MCPH1: variants seen among roughly 807,000 people sequenced by gnomAD.
The protein encoded by MCPH1 is microcephalin.
Under a neutral mutation model 84.5 loss-of-function variants are expected in MCPH1, and 104 were observed. The ratio of observed to expected loss-of-function variants is 1.23; its 90% CI spans 1.05 to 1.45. The LOEUF (loss-of-function observed/expected upper bound fraction) is 1.45. MCPH1 is among the 40% of genes most tolerant of loss of function. MCPH1 has a pLI of 0.00. For synonymous variants in MCPH1, 514 were observed against 366.8 expected (o/e 1.40, Z -4.58); for missense variants, 1,498 against 1,005.7 (o/e 1.49, Z -6.62).
At chr8:6,436,669 TA>T (rs1802682295) in intron 5 of MCPH1, among the ~76,000 whole-genome samples, 1 of 150,950 alleles carries the variant, frequency 6.6e-6, no homozygotes, top group African/African-American at 2.4e-5. Context: ...ATAATATTTT[TA>T]TATATAAGAA....
At chr8:6,465,612 C>T (rs1002666144) in intron 9 of MCPH1, among the ~76,000 whole-genome samples, 1 of 151,828 alleles carries the variant, frequency 6.6e-6, no homozygotes, top group African/African-American at 2.4e-5. Context: ...TGGCTGGACG[C>T]ATCTTCTGGA....
At position 6,431,598 on chromosome 8, in the gene MCPH1, AT is replaced by A. The variant is rs1293244058; in HGVS notation, c.321+15del. 1 of 1,527,272 alleles carries A rather than the reference AT, an allele frequency of 6.5e-7. No homozygotes were observed. The highest frequency in any genetic ancestry group is 2.2e-5 in the East Asian group (1 of 44,462). The allele number at this position is 1,527,272 out of a possible 1,614,324, so 94.6% of individuals were successfully genotyped here. The stretch of plus-strand genomic sequence containing the variant: ...TAATTAAAAAAAAAGTAAGTACATG[AT>A]TTCAATGTAGATAATGGCAATTAGG... On this transcript the variant is annotated intron_variant, in intron 4 of 13. Transcript: ENST00000344683.
At chr8:6,424,425 AC>A (rs1176434700) in intron 3 of MCPH1, among the ~76,000 whole-genome samples, 1 of 152,140 alleles carries the variant, frequency 6.6e-6, no homozygotes, top group African/African-American at 2.4e-5. Flanking sequence ...TAACCACAAC[AC>A]AGGCCGACAT....
At chr8:6,630,747 C>T (rs1797095838) in intron 13 of MCPH1, among the ~76,000 whole-genome samples, 1 of 148,506 alleles carries the variant, frequency 6.7e-6, no homozygotes, top group Non-Finnish European at 1.5e-5. Context: ...TGCCATTGCA[C>T]TCCAGCCTGG....
chr8:6,499,665 C>G (rs961702356), intron 11 of MCPH1, 187 bp from the exon 12 acceptor site: 4 of 561,282 alleles, frequency 7.1e-6, no homozygotes, highest in African/African-American at 5.6e-5. Flanking sequence ...TCTCAATCAA[C>G]TTTTTATTAA....
At chr8:6,483,171 C>T (rs530179868) in intron 11 of MCPH1, among the ~76,000 whole-genome samples, 2 of 152,130 alleles carry the variant, frequency 1.3e-5, no homozygotes, top group East Asian at 1.9e-4. Context: ...GATTTTAAAG[C>T]TCAAAGAACT....
intron 12 of MCPH1, among the ~76,000 whole-genome samples, chr8:6,517,685 T>G (rs1014559496): frequency 6.6e-6 from 1 of 152,172 alleles, no homozygotes; most frequent in Non-Finnish European, 1.5e-5. Flanking sequence ...GCTGTCCCTG[T>G]GTTGTCACAA....
At chr8:6,446,311 A>C (rs1804359433) in intron 8 of MCPH1, 1 of 985,178 alleles carries the variant, frequency 1.0e-6, no homozygotes, top group Non-Finnish European at 1.2e-6. Flanking sequence ...TCTTTACCTA[A>C]AGATTAGGTT....
chr8:6,609,711 C>G (rs1051435587), intron 12 of MCPH1, among the ~76,000 whole-genome samples: 2 of 152,074 alleles, frequency 1.3e-5, no homozygotes, highest in Non-Finnish European at 2.9e-5. Flanking sequence ...GAGGATGTCC[C>G]GGGAGAGTGA....
chr8:6,438,148 T>A (rs1457815086), intron 5 of MCPH1, among the ~76,000 whole-genome samples: 1 of 152,252 alleles, frequency 6.6e-6, no homozygotes, highest in East Asian at 1.9e-4. Flanking sequence ...TGGCCTTCTT[T>A]GCTATGTCAG....
At chr8:6,588,866 G>A (rs1174595404) in intron 12 of MCPH1, among the ~76,000 whole-genome samples, 3 of 152,334 alleles carry the variant, frequency 2.0e-5, no homozygotes, top group South Asian at 4.1e-4. Context: ...TGGAGGCCCA[G>A]TTCTCACAGA....
intron 12 of MCPH1, chr8:6,519,957 G>C: frequency 1.2e-6 from 2 of 1,614,106 alleles, no homozygotes; most frequent in Non-Finnish European, 1.7e-6. Context: ...CTCTGAAGCT[G>C]ATTTGTTCTT....
intron 9 of MCPH1, among the ~76,000 whole-genome samples, chr8:6,467,977 T>C (rs1807196180): frequency 6.6e-6 from 1 of 152,108 alleles, no homozygotes; most frequent in African/African-American, 2.4e-5. Flanking sequence ...AGCCAGGAAA[T>C]CCATGAATTT....
At chr8:6,542,996 G>T (rs1006416733) in intron 12 of MCPH1, among the ~76,000 whole-genome samples, 3 of 152,172 alleles carry the variant, frequency 2.0e-5, no homozygotes, top group Non-Finnish European at 4.4e-5. Context: ...TTTTAAAAAG[G>T]GAGAGGAGCG....
At chr8:6,412,916 C>G (rs1000070871) in intron 2 of MCPH1, among the ~76,000 whole-genome samples, 2 of 152,096 alleles carry the variant, frequency 1.3e-5, no homozygotes, top group African/African-American at 4.8e-5. Context: ...GAAAGAGAAA[C>G]CAGCAACGCT....
chr8:6,594,594 C>T (rs538917968), intron 12 of MCPH1, among the ~76,000 whole-genome samples: 3 of 152,360 alleles, frequency 2.0e-5, no homozygotes, highest in African/African-American at 2.4e-5. Context: ...CTGCTCGCAT[C>T]AGGCCAGATT....
intron 12 of MCPH1, among the ~76,000 whole-genome samples, chr8:6,549,297 C>T (rs1373308306): frequency 6.6e-6 from 1 of 152,240 alleles, no homozygotes; most frequent in Non-Finnish European, 1.5e-5. Context: ...GAAACTTTAA[C>T]ATGCACAACA....
rs1481735802 is a variant in MCPH1, at chr8:6,419,173, ACACACACACACACACGC to A, written c.233+4291_233+4307del. ...CACAGACACACACACACACACACAC[ACACACACACACACACGC>A]ATTTTTACCCCAAATACTTATTTGA... On this transcript the variant is annotated intron_variant, in intron 3 of 13. Transcript: ENST00000344683. 3.4e-4 allele frequency among the ~76,000 whole-genome samples: 13 copies of A among 38,476 alleles called. No homozygotes were observed. In the East Asian group the frequency reaches 0.01, roughly 30 times the overall value. The allele number at this position is 38,476 out of a possible 152,430, so 25.2% of individuals were successfully genotyped here.
At chr8:6,406,796 C>G (rs1269968695) in intron 1 of MCPH1, 107 bp downstream of exon 1, 2 of 1,269,086 alleles carry the variant, frequency 1.6e-6, no homozygotes, top group Non-Finnish European at 2.3e-6. Flanking sequence ...GCTCGCCCCT[C>G]CCTCGCTGCC....
Sources: allele counts gnomAD v4.1 joint callset (sites outside exome capture counted in the v4.1 genomes callset), GRCh38; gene constraint gnomAD v4.1.1; transcripts MANE v1.5; gene names NCBI Gene and HGNC (gene_info 2026-07-23, HGNC 2026-07-21).